NCKAP5: variants seen among roughly 807,000 people sequenced by gnomAD.
NCKAP5 encodes the protein NCK associated protein 5, also known as nck-associated protein 5.
NCKAP5 carries 92 observed loss-of-function variants against 167.0 expected under a neutral mutation model. The observed-to-expected ratio is 0.55, with a 90% confidence interval of 0.47 to 0.66. The LOEUF is 0.66. NCKAP5 is among the 30% of genes least tolerant of loss of function. The pLI, the probability that NCKAP5 is intolerant of heterozygous loss-of-function variation, is 0.00. For synonymous variants in NCKAP5, 891 were observed against 877.4 expected, an observed-to-expected ratio of 1.02 and a Z score of -0.27; for missense variants, 2,378 against 2,315.0, an observed-to-expected ratio of 1.03 and a Z score of -0.56.
chr2:133,291,033 G>C (rs1473378233), intron 4 of NCKAP5, among the ~76,000 whole-genome samples: 4 of 152,046 alleles, frequency 2.6e-5, no homozygotes, highest in African/African-American at 9.7e-5. Context: ...TTCTCCTCTT[G>C]AATCATCAAC....
At chr2:133,224,403 T>A (rs991353603) in intron 4 of NCKAP5, among the ~76,000 whole-genome samples, 1 of 152,176 alleles carries the variant, frequency 6.6e-6, no homozygotes, top group Non-Finnish European at 1.5e-5. Flanking sequence ...ATATTCAATA[T>A]CAGAAACTAA....
intron 3 of NCKAP5, among the ~76,000 whole-genome samples, chr2:133,313,322 C>G (rs904096172): frequency 3.9e-5 from 6 of 152,130 alleles, no homozygotes; most frequent in African/African-American, 1.2e-4. Context: ...TTTCCCTGCC[C>G]TAGTGCAATG....
At chr2:133,214,220 C>A (rs575845121) in intron 4 of NCKAP5, among the ~76,000 whole-genome samples, 1 of 152,080 alleles carries the variant, frequency 6.6e-6, no homozygotes, top group Non-Finnish European at 1.5e-5. Context: ...AATAGAAAAT[C>A]ATTTGCATGC....
chr2:132,951,358 A>G (rs556436857), intron 8 of NCKAP5, among the ~76,000 whole-genome samples: 30 of 152,334 alleles, frequency 2.0e-4, no homozygotes, highest in Admixed American at 1.4e-3. Context: ...TAAATTAAAG[A>G]TGTATTTCAG....
intron 6 of NCKAP5, among the ~76,000 whole-genome samples, chr2:133,063,716 T>C (rs552080374): frequency 6.6e-6 from 1 of 152,322 alleles, no homozygotes; most frequent in African/African-American, 2.4e-5. Flanking sequence ...CTTAACTTTC[T>C]CTCTAGTCAT....
chr2:132,823,385 G>T (rs1686902105), intron 11 of NCKAP5, among the ~76,000 whole-genome samples: 1 of 152,076 alleles, frequency 6.6e-6, no homozygotes, highest in Non-Finnish European at 1.5e-5. Context: ...GAAGGGATTG[G>T]GGTCCAATCT....
chr2:133,077,771 A>G (rs2080661245), intron 6 of NCKAP5, among the ~76,000 whole-genome samples: 1 of 152,198 alleles, frequency 6.6e-6, no homozygotes, highest in African/African-American at 2.4e-5. Flanking sequence ...TACTCTGGAC[A>G]GCTTCTGCAC....
chr2:132,939,573 A>G (rs1464902989), intron 8 of NCKAP5, among the ~76,000 whole-genome samples: 1 of 151,738 alleles, frequency 6.6e-6, no homozygotes, highest in Non-Finnish European at 1.5e-5. Flanking sequence ...TTTGTATTTT[A>G]TTTTTTCTCA....
Position 132,672,901 on chromosome 2 carries a change from G to T in NCKAP5, c.*388C>A. The T allele has an allele frequency of 3.2e-6, 3 of 949,108 alleles. No individual in the cohort carries two copies. The highest frequency in any genetic ancestry group is 3.8e-6 in the Non-Finnish European group (3 of 795,304). 58.8% of individuals were successfully genotyped at this position (949,108 alleles called of 1,614,324 possible). ...CTGGTGGGTTGCCTGCTGTGAATTTGACAAGGAAGGCTCTGGTACTGCAAT... is the reference window on the plus strand; with the variant it reads ...CTGGTGGGTTGCCTGCTGTGAATTTTACAAGGAAGGCTCTGGTACTGCAAT... On this transcript the variant is annotated 3_prime_UTR_variant, in exon 20 of 20. Coordinates refer to ENST00000409261, the MANE Select transcript of NCKAP5 (RefSeq NM_207363.3).
At chr2:132,938,901 A>G (rs1042459771) in intron 8 of NCKAP5, among the ~76,000 whole-genome samples, 6 of 152,054 alleles carry the variant, frequency 3.9e-5, no homozygotes, top group Non-Finnish European at 8.8e-5. Context: ...CCGCCCATTC[A>G]TTCCCTCTCA....
intron 17 of NCKAP5, among the ~76,000 whole-genome samples, chr2:132,729,734 T>G (rs953189282): frequency 6.6e-6 from 1 of 152,158 alleles, no homozygotes; most frequent in South Asian, 2.1e-4. Context: ...GTGTATGCCT[T>G]TGTCATGCCA....
chr2:132,691,184 T>C (rs2105135531), intron 19 of NCKAP5, among the ~76,000 whole-genome samples: 1 of 152,330 alleles, frequency 6.6e-6, no homozygotes, highest in South Asian at 2.1e-4. Context: ...TTTGCTACCA[T>C]CAGCTCTTGC....
intron 2 of NCKAP5, among the ~76,000 whole-genome samples, chr2:133,554,757 T>C (rs530421414): frequency 2.0e-5 from 3 of 152,300 alleles, no homozygotes; most frequent in African/African-American, 7.2e-5. Flanking sequence ...GCTTGGTCAA[T>C]ATCAGGTACC....
At chr2:133,232,145 C>T (rs371579140) in intron 4 of NCKAP5, among the ~76,000 whole-genome samples, 1 of 152,242 alleles carries the variant, frequency 6.6e-6, no homozygotes, top group South Asian at 2.1e-4. Context: ...ATTCTGCAGG[C>T]ATCTATACAC....
chr2:133,317,805 G>T (rs887914097), intron 3 of NCKAP5, among the ~76,000 whole-genome samples: 2 of 152,122 alleles, frequency 1.3e-5, no homozygotes, highest in African/African-American at 2.4e-5. Flanking sequence ...TGGTATAATG[G>T]GTATAGGTGC....
rs1019163248 is a variant in NCKAP5 at position 133,468,840 on chromosome 2, T to A, written c.69+48618A>T. ...AGAGAGTAGGTTTGCAACCCCTGCCTTTTTTTGTTTTCCATTTGCTTGGTA... is the reference window on the plus strand; with the variant it reads ...AGAGAGTAGGTTTGCAACCCCTGCCATTTTTTGTTTTCCATTTGCTTGGTA... On this transcript the variant is annotated intron_variant, in intron 3 of 19. Coordinates refer to ENST00000409261, the MANE Select transcript of NCKAP5 (RefSeq NM_207363.3). 6.6e-5 allele frequency among the ~76,000 whole-genome samples: 10 copies of A among 152,318 alleles called. No individual in the cohort carries two copies. The South Asian group carries it at 2.1e-3, about 32-fold the overall frequency.
At chr2:133,473,830 C>G (rs1422159542) in intron 3 of NCKAP5, among the ~76,000 whole-genome samples, 3 of 152,136 alleles carry the variant, frequency 2.0e-5, no homozygotes, top group African/African-American at 7.2e-5. Context: ...ATTGGCAAGC[C>G]AGTTACTACA....
At chr2:133,100,002 C>T (rs184658321) in intron 6 of NCKAP5, among the ~76,000 whole-genome samples, 8 of 152,256 alleles carry the variant, frequency 5.3e-5, no homozygotes, top group East Asian at 1.9e-4. Flanking sequence ...AGTCTGTGGA[C>T]GCTGGTATTG....
At chr2:133,385,802 C>A (rs1330337582) in intron 3 of NCKAP5, among the ~76,000 whole-genome samples, 1 of 150,292 alleles carries the variant, frequency 6.7e-6, no homozygotes, top group Non-Finnish European at 1.5e-5. Context: ...AGGAATTTAT[C>A]CATTTCTTCT....
Sources: allele counts gnomAD v4.1 joint callset (sites outside exome capture counted in the v4.1 genomes callset), GRCh38; gene constraint gnomAD v4.1.1; transcripts MANE v1.5; gene names NCBI Gene and HGNC (gene_info 2026-07-23, HGNC 2026-07-21).